ANKFN1: variants seen among roughly 807,000 people sequenced by gnomAD.
The protein encoded by ANKFN1 is ankyrin repeat and fibronectin type III domain containing 1, also known as ankyrin repeat and fibronectin type-III domain-containing protein 1.
Under a neutral mutation model 108.7 loss-of-function variants are expected in ANKFN1, and 74 were observed. The observed-to-expected ratio is 0.68, with a 90% CI of 0.56 to 0.83. ANKFN1 has a LOEUF of 0.83. Ranked by LOEUF, ANKFN1 falls within the 40% of genes least tolerant of loss-of-function variation. The pLI, the probability that ANKFN1 is intolerant of heterozygous loss-of-function variation, is 0.00. For missense variants in ANKFN1, 1,505 were observed against 1,382.3 expected (o/e 1.09, Z -1.41); for synonymous variants, 547 against 516.2 (o/e 1.06, Z -0.81).
chr17:56,484,128 A>C (rs555456219), intron 18 of ANKFN1, among the ~76,000 whole-genome samples: 2 of 152,296 alleles, frequency 1.3e-5, no homozygotes, highest in South Asian at 4.1e-4. Flanking sequence ...CAAAAACATG[A>C]GAACAGAAGA....
intron 4 of ANKFN1, among the ~76,000 whole-genome samples, chr17:56,329,194 C>T (rs1466812275): frequency 6.6e-6 from 1 of 152,224 alleles, no homozygotes; most frequent in East Asian, 1.9e-4. Context: ...GGTGGTCTGG[C>T]CCTGCTACCT....
intron 8 of ANKFN1, among the ~76,000 whole-genome samples, chr17:56,422,806 G>A (rs2048452928): frequency 6.6e-6 from 1 of 152,206 alleles, no homozygotes; most frequent in Non-Finnish European, 1.5e-5. Flanking sequence ...AAAAAATGGA[G>A]GAATCTGTTT....
intron 8 of ANKFN1, among the ~76,000 whole-genome samples, chr17:56,427,599 G>A (rs2048610096): frequency 6.6e-6 from 1 of 151,902 alleles, no homozygotes; most frequent in Admixed American, 6.6e-5. Context: ...CAGTATTAGA[G>A]ACAACTCTGG....
intron 3 of ANKFN1, among the ~76,000 whole-genome samples, chr17:56,250,937 T>C (rs1782966453): frequency 6.6e-6 from 1 of 152,234 alleles, no homozygotes; most frequent in Admixed American, 6.5e-5. Flanking sequence ...GAGCCAGATA[T>C]AATCTCGTTA....
At chr17:56,260,325 T>C (rs1454924559) in intron 3 of ANKFN1, among the ~76,000 whole-genome samples, 1 of 152,198 alleles carries the variant, frequency 6.6e-6, no homozygotes, top group Non-Finnish European at 1.5e-5. Flanking sequence ...GATTTTTAAA[T>C]GAGGGAGAGT....
At chr17:56,079,682 C>G (rs924771981) in intron 4 of ANKFN1, among the ~76,000 whole-genome samples, 2 of 152,178 alleles carry the variant, frequency 1.3e-5, no homozygotes, top group Admixed American at 1.3e-4. Flanking sequence ...GCTTCCTGCT[C>G]TAGGCAGATA....
chr17:56,449,308 C>T, intron 11 of ANKFN1, 122 bp downstream of exon 11: 1 of 628,256 alleles, frequency 1.6e-6, no homozygotes, highest in South Asian at 2.1e-5. Context: ...AATATTTGTA[C>T]ATCTGGAATC....
intron 14 of ANKFN1, among the ~76,000 whole-genome samples, chr17:56,463,650 C>T (rs1396518172): frequency 2.0e-5 from 3 of 152,130 alleles, no homozygotes; most frequent in Non-Finnish European, 4.4e-5. Context: ...AGCTACTTAT[C>T]CCCCCAAAAC....
chr17:56,128,921 G>A (rs1056465637), intron 4 of ANKFN1, among the ~76,000 whole-genome samples: 2 of 152,166 alleles, frequency 1.3e-5, no homozygotes. Flanking sequence ...GATAAACACT[G>A]AAGCTGCCTG....
intron 4 of ANKFN1, among the ~76,000 whole-genome samples, chr17:56,048,339 AC>A (rs1904715579): frequency 6.6e-6 from 1 of 152,172 alleles, no homozygotes; most frequent in Non-Finnish European, 1.5e-5. Flanking sequence ...CATTGATATT[AC>A]TAAGAAAATA....
chr17:56,422,287 C>G (rs748556158), intron 8 of ANKFN1, among the ~76,000 whole-genome samples: 2 of 152,070 alleles, frequency 1.3e-5, no homozygotes, highest in African/African-American at 4.8e-5. Context: ...GTTTCCTTGG[C>G]CTTTTACTTG....
intron 4 of ANKFN1, among the ~76,000 whole-genome samples, chr17:56,097,292 T>C (rs1905553835): frequency 6.7e-6 from 1 of 149,884 alleles, no homozygotes; most frequent in Non-Finnish European, 1.5e-5. Flanking sequence ...TTTTGAAGAT[T>C]GTATGGCTAA....
chr17:56,170,843 C>T (rs62072994), intron 1 of ANKFN1, among the ~76,000 whole-genome samples: 8,430 of 131,322 alleles, frequency 0.064, 367 homozygotes, highest in East Asian at 0.16. Flanking sequence ...CATATACACA[C>T]ATATATATAT....
intron 3 of ANKFN1, chr17:56,228,176 A>C (rs547302701): frequency 2.1e-6 from 1 of 483,904 alleles, no homozygotes; most frequent in Admixed American, 4.1e-5. Context: ...TTGTGACAAT[A>C]TTACGTCTAA....
chr17:56,137,079 C>A (rs1368681073), intron 4 of ANKFN1, among the ~76,000 whole-genome samples: 2 of 152,188 alleles, frequency 1.3e-5, no homozygotes, highest in Admixed American at 6.5e-5. Flanking sequence ...CAGACACAGC[C>A]TTTGCCCTCC....
chr17:56,199,434 G>T (rs1236747396), intron 1 of ANKFN1, among the ~76,000 whole-genome samples: 1 of 152,084 alleles, frequency 6.6e-6, no homozygotes, highest in Non-Finnish European at 1.5e-5. Context: ...AATACGCAAA[G>T]GTCATGCTCT....
At chr17:56,125,405 A>G (rs1906863516) in intron 4 of ANKFN1, among the ~76,000 whole-genome samples, 1 of 152,228 alleles carries the variant, frequency 6.6e-6, no homozygotes, top group South Asian at 2.1e-4. Flanking sequence ...TTGAATAAAA[A>G]GGAACCTGGG....
At chr17:56,094,713 G>T (rs1211488394) in intron 4 of ANKFN1, among the ~76,000 whole-genome samples, 1 of 147,388 alleles carries the variant, frequency 6.8e-6, no homozygotes, top group African/African-American at 2.5e-5. Context: ...GTAGAGACGG[G>T]GTTTCACCAT....
upstream of ANKFN1, among the ~76,000 whole-genome samples, chr17:56,149,403 A>G (rs765791801): frequency 4.6e-5 from 7 of 152,338 alleles, no homozygotes; most frequent in Non-Finnish European, 7.3e-5. Context: ...CTTGAATCAT[A>G]ACTAAAGGAA....
Sources: allele counts gnomAD v4.1 joint callset (sites outside exome capture counted in the v4.1 genomes callset), GRCh38; gene constraint gnomAD v4.1.1; transcripts MANE v1.5; gene names NCBI Gene and HGNC (gene_info 2026-07-23, HGNC 2026-07-21).